SH3KBP1: variants seen among roughly 807,000 people sequenced by gnomAD.
SH3KBP1 encodes SH3 domain containing kinase binding protein 1.
In SH3KBP1, 8 loss-of-function variants were observed where a neutral mutation model predicts 50.1. The observed-to-expected ratio is 0.16, with a 90% CI of 0.09 to 0.29. The LOEUF (loss-of-function observed/expected upper bound fraction) is 0.29. Ranked by LOEUF, SH3KBP1 falls within the 10% of genes least tolerant of loss-of-function variation. The pLI is 1.00. For missense variants in SH3KBP1, 377 were observed against 535.2 expected, an observed-to-expected ratio of 0.70 and a Z score of 2.92; for synonymous variants, 227 against 218.6, an observed-to-expected ratio of 1.04 and a Z score of -0.34.
rs747899709 is a variant in SH3KBP1 at position 19,587,380 on chromosome X, G to A, written c.1298+1263C>T. ...ACTGTTTAAAGGGTGCAGAATTTCA[G>A]ATTTACAAGATGAAAAGAGTTCTGG... is the stretch of plus-strand genomic sequence containing the variant. On this transcript the variant is annotated intron_variant, in intron 12 of 17. Transcript: ENST00000397821. Among the ~76,000 whole-genome samples, 14 of 110,862 alleles carry A rather than the reference G, an allele frequency of 1.3e-4. No homozygotes were observed. In the South Asian group the frequency reaches 5.4e-3, roughly 43 times the overall value.
intron 2 of SH3KBP1, among the ~76,000 whole-genome samples, chrX:19,768,615 T>G (rs2065690022): frequency 9.6e-6 from 1 of 104,620 alleles, no homozygotes; most frequent in Admixed American, 1.1e-4. Context: ...GGAAAAGAAA[T>G]AGATACAAAC....
At chrX:19,825,394 C>T (rs750982371) in intron 2 of SH3KBP1, among the ~76,000 whole-genome samples, 2 of 111,828 alleles carry the variant, frequency 1.8e-5, no homozygotes, top group African/African-American at 6.5e-5. Flanking sequence ...GAGCACAGTC[C>T]TGTCAGGACA....
At chrX:19,701,857 C>T (rs374393829) in intron 4 of SH3KBP1, among the ~76,000 whole-genome samples, 395 of 112,153 alleles carry the variant, frequency 3.5e-3, no homozygotes, top group African/African-American at 0.012. Context: ...TTTGATAAAT[C>T]CCACAGCTAT....
At chrX:19,853,738 A>G (rs1427422283) in intron 1 of SH3KBP1, among the ~76,000 whole-genome samples, 1 of 111,066 alleles carries the variant, frequency 9.0e-6, no homozygotes, top group Non-Finnish European at 1.9e-5. Flanking sequence ...CAAGGCGGGC[A>G]GCTCACCTGA....
At chrX:19,650,379 CCTT>C (rs759762245) in intron 6 of SH3KBP1, among the ~76,000 whole-genome samples, 9 of 112,208 alleles carry the variant, frequency 8.0e-5, no homozygotes, top group Admixed American at 1.9e-4. Context: ...GCAAATATGT[CCTT>C]CTTCACATGG....
At chrX:19,758,963 C>T (rs994455561) in intron 2 of SH3KBP1, among the ~76,000 whole-genome samples, 1 of 111,890 alleles carries the variant, frequency 8.9e-6, no homozygotes, top group Non-Finnish European at 1.9e-5. Flanking sequence ...GTCACAATTG[C>T]TTCCAAGACT....
rs760938942 is a variant in SH3KBP1 at position 19,534,988 on chromosome X, T to C, written c.*1429A>G. 65 of 296,167 alleles carry C rather than the reference T, an allele frequency of 2.2e-4. 1 individual carries two copies. The highest frequency in any genetic ancestry group is 3.4e-4 in the Non-Finnish European group (58 of 170,173). 24.4% of individuals were successfully genotyped at this position (296,167 alleles called of 1,213,427 possible). On this transcript the variant is annotated 3_prime_UTR_variant, in exon 18 of 18. Coordinates refer to ENST00000397821, the MANE Select transcript of SH3KBP1 (RefSeq NM_031892.3). ...GTGCAAATCTATTAATGTTTAGTAG[T>C]TTCACTATTAAACTCAGGAAAGAGA...
At chrX:19,882,399 G>A (rs891468746) in intron 1 of SH3KBP1, among the ~76,000 whole-genome samples, 1 of 111,474 alleles carries the variant, frequency 9.0e-6, no homozygotes, top group African/African-American at 3.3e-5. Flanking sequence ...TGTCATCACA[G>A]GAGTCCATAC....
intron 12 of SH3KBP1, among the ~76,000 whole-genome samples, chrX:19,574,290 G>T (rs1415931720): frequency 8.9e-6 from 1 of 111,932 alleles, no homozygotes; most frequent in Non-Finnish European, 1.9e-5. Context: ...CTTCAGAATG[G>T]GATTTTGTCA....
intron 1 of SH3KBP1, among the ~76,000 whole-genome samples, chrX:19,843,871 A>T (rs2068292472): frequency 9.0e-6 from 1 of 111,705 alleles, no homozygotes; most frequent in Non-Finnish European, 1.9e-5. Context: ...CTCAGACACC[A>T]TTAAGGATAC....
chrX:19,810,292 G>A (rs1438204174), intron 2 of SH3KBP1, among the ~76,000 whole-genome samples: 1 of 112,548 alleles, frequency 8.9e-6, no homozygotes, highest in African/African-American at 3.2e-5. Flanking sequence ...TCACTTGTAC[G>A]TTCCATTTAA....
chrX:19,876,506 C>A (rs754597305), intron 1 of SH3KBP1, among the ~76,000 whole-genome samples: 1 of 112,013 alleles, frequency 8.9e-6, no homozygotes, highest in South Asian at 3.7e-4. Flanking sequence ...ACCTATCCCT[C>A]CATCAAAACT....
chrX:19,802,399 C>T (rs2066920266), intron 2 of SH3KBP1, among the ~76,000 whole-genome samples: 2 of 110,989 alleles, frequency 1.8e-5, no homozygotes, highest in African/African-American at 6.6e-5. Context: ...AAATAAAAAC[C>T]TTGCCTGGGA....
chrX:19,863,899 G>A (rs768506484), intron 1 of SH3KBP1, among the ~76,000 whole-genome samples: 1 of 111,898 alleles, frequency 8.9e-6, no homozygotes, highest in East Asian at 2.8e-4. Context: ...TTTTCTTTGG[G>A]GCCAGATGTA....
At chrX:19,881,287 T>C (rs982664100) in intron 1 of SH3KBP1, among the ~76,000 whole-genome samples, 30 of 111,705 alleles carry the variant, frequency 2.7e-4, no homozygotes, top group African/African-American at 9.5e-4. Context: ...CAGAGCCACT[T>C]AGGGCTTGAC....
rs760219098 is a variant in SH3KBP1, at chrX:19,539,770, A to G, written c.1893-1990T>C. ...GGAAACTGACATGAAGGACTAATAC[A>G]AGAGACTAGTAGGGACCCACTGACC... On this transcript the variant is annotated intron_variant, in intron 16 of 17. Coordinates refer to ENST00000397821, the MANE Select transcript of SH3KBP1 (RefSeq NM_031892.3). Among the ~76,000 whole-genome samples, 7 of 111,578 alleles carry G rather than the reference A, an allele frequency of 6.3e-5. No individual in the cohort carries two copies. The East Asian group carries it at 1.4e-3, about 23-fold the overall frequency.
At chrX:19,705,144 A>G (rs1184494395) in intron 4 of SH3KBP1, among the ~76,000 whole-genome samples, 2 of 112,328 alleles carry the variant, frequency 1.8e-5, no homozygotes, top group East Asian at 5.5e-4. Context: ...TATTTAATTA[A>G]CAGTCGAGTG....
chrX:19,820,926 C>T lies in SH3KBP1; in HGVS notation c.162+15199G>A, dbSNP rs745382633. Among the ~76,000 whole-genome samples the T allele has an allele frequency of 2.4e-4, 27 of 111,408 alleles. No homozygotes were observed. In the South Asian group the frequency reaches 7.2e-3, roughly 30 times the overall value. On this transcript the variant is annotated intron_variant, in intron 2 of 17. Coordinates refer to ENST00000397821, the MANE Select transcript of SH3KBP1 (RefSeq NM_031892.3). ...ATATGTAACTTGTCACAGACTACTT[C>T]GATCAACATTTTCCTATTTCAGTGA...
In SH3KBP1 at chrX:19,706,856, T is replaced by C. The variant is rs764419111; in HGVS notation, c.390+25A>G. The C allele has an allele frequency of 2.6e-6, 3 of 1,141,662 alleles. No individual in the cohort carries two copies. The African/African-American group carries it at 5.4e-5, about 20-fold the overall frequency. 94.1% of individuals were successfully genotyped at this position (1,141,662 alleles called of 1,213,427 possible). A position where few individuals can be genotyped will look rare whatever the true frequency, so the allele number is the denominator to read the frequency against. ...ACTATGACAGCCCATTCGAGGCCAT[T>C]GCACTGCCCGGCCAGGTCGCTTACC... On this transcript the variant is annotated intron_variant, in intron 4 of 17. Coordinates refer to ENST00000397821, the MANE Select transcript of SH3KBP1 (RefSeq NM_031892.3).
Sources: allele counts gnomAD v4.1 joint callset (sites outside exome capture counted in the v4.1 genomes callset), GRCh38; gene constraint gnomAD v4.1.1; transcripts MANE v1.5; gene names NCBI Gene and HGNC (gene_info 2026-07-23, HGNC 2026-07-21).